The following STXBP6 variants were observed in gnomAD, a reference collection of about 807,000 sequenced individuals.
The protein encoded by STXBP6 is syntaxin binding protein 6, also known as syntaxin-binding protein 6.
In STXBP6, 21 loss-of-function variants were observed where a neutral mutation model predicts 26.9. The observed-to-expected ratio is 0.78, with a 90% confidence interval of 0.55 to 1.12. The LOEUF is 1.12. STXBP6 is among the 50% of genes most tolerant of loss of function. The probability of loss-of-function intolerance (pLI) is 0.00; values close to 1 mark genes in which losing one functional copy is unlikely to be tolerated. For synonymous variants in STXBP6, 97 were observed against 92.6 expected (o/e 1.05, Z -0.27); for missense variants, 232 against 257.9 (o/e 0.90, Z 0.69).
At chr14:24,915,582 A>T (rs554495054) in intron 2 of STXBP6, among the ~76,000 whole-genome samples, 15 of 152,250 alleles carry the variant, frequency 9.9e-5, no homozygotes, top group South Asian at 6.2e-4. Flanking sequence ...ACATTTTTTT[A>T]AAGTCATAGA....
At chr14:24,993,256 C>T (rs768665327) in intron 1 of STXBP6, among the ~76,000 whole-genome samples, 4 of 152,138 alleles carry the variant, frequency 2.6e-5, no homozygotes, top group Admixed American at 6.5e-5. Flanking sequence ...TCATCTTCCT[C>T]GAAACGGTTT....
chr14:24,935,440 T>C (rs1387274801), intron 2 of STXBP6, among the ~76,000 whole-genome samples: 1 of 152,144 alleles, frequency 6.6e-6, no homozygotes, highest in Non-Finnish European at 1.5e-5. Flanking sequence ...TCCATATATA[T>C]GATTCATGTG....
At chr14:24,997,719 C>G (rs1003905884) in intron 1 of STXBP6, among the ~76,000 whole-genome samples, 2 of 152,168 alleles carry the variant, frequency 1.3e-5, no homozygotes, top group African/African-American at 4.8e-5. Flanking sequence ...TAAATCCACC[C>G]TTCAGAGATA....
chr14:24,925,836 AG>A (rs2072143641), intron 2 of STXBP6, among the ~76,000 whole-genome samples: 1 of 152,336 alleles, frequency 6.6e-6, no homozygotes, highest in South Asian at 2.1e-4. Context: ...AAAATGGGAA[AG>A]GGAGAAGAAT....
chr14:25,038,653 C>T (rs1266264743), intron 1 of STXBP6, among the ~76,000 whole-genome samples: 1 of 151,944 alleles, frequency 6.6e-6, no homozygotes, highest in Middle Eastern at 3.2e-3. Flanking sequence ...AGACATTAGG[C>T]CAACTTGATG....
At chr14:24,880,362 C>G (rs1173850911) in intron 2 of STXBP6, among the ~76,000 whole-genome samples, 2 of 152,072 alleles carry the variant, frequency 1.3e-5, no homozygotes, top group Non-Finnish European at 2.9e-5. Context: ...AAATCTATTC[C>G]CAACCTCTTG....
chr14:25,050,037 G>A lies in STXBP6; in HGVS notation c.-192C>T. ...GCCGCCGCTCGCGGCTCCCGCGCCG[G>A]CTCCTGCTGCCGCGCGCGAAAAGGG... On this transcript the variant is annotated 5_prime_UTR_variant, in exon 1 of 6. Transcript: ENST00000323944. 4.3e-6 allele frequency: 1 copy of A among 231,148 alleles called. No homozygotes were observed. Among genetic ancestry groups the A allele is most frequent in the Non-Finnish European group, 7.1e-6 (1 of 140,578 alleles). 14.3% of individuals were successfully genotyped at this position (231,148 alleles called of 1,614,324 possible).
chr14:24,927,343 G>A (rs536681207), intron 2 of STXBP6, among the ~76,000 whole-genome samples: 2 of 152,256 alleles, frequency 1.3e-5, no homozygotes, highest in South Asian at 4.2e-4. Flanking sequence ...TTAATCTTTG[G>A]TTCTCAGTGG....
chr14:24,881,981 A>T (rs1049180708), intron 2 of STXBP6, among the ~76,000 whole-genome samples: 3 of 152,114 alleles, frequency 2.0e-5, no homozygotes, highest in Admixed American at 6.5e-5. Flanking sequence ...CTTCCTATAC[A>T]TTGGCAGGGC....
chr14:24,974,942 T>A, intron 1 of STXBP6, 92 bp from the exon 2 acceptor site: 1 of 774,952 alleles, frequency 1.3e-6, no homozygotes, highest in Non-Finnish European at 1.9e-6. Flanking sequence ...GCAGGTGAAG[T>A]AATTTTCAAT....
intron 4 of STXBP6, among the ~76,000 whole-genome samples, chr14:24,831,222 A>G (rs1313430876): frequency 3.9e-5 from 6 of 152,214 alleles, no homozygotes. Flanking sequence ...AAAATTTAAA[A>G]AGAAGTTTGT....
intron 1 of STXBP6, among the ~76,000 whole-genome samples, chr14:25,048,303 T>A (rs1484377471): frequency 6.6e-6 from 1 of 152,208 alleles, no homozygotes; most frequent in Non-Finnish European, 1.5e-5. Flanking sequence ...AACCCTGCAA[T>A]GGAGGGAGGT....
intron 2 of STXBP6, among the ~76,000 whole-genome samples, chr14:24,898,322 A>G (rs2071073705): frequency 6.6e-6 from 1 of 152,248 alleles, no homozygotes; most frequent in Non-Finnish European, 1.5e-5. Context: ...ACCACTGGGT[A>G]ATAATATTAC....
At chr14:25,018,396 C>A (rs979995114) in intron 1 of STXBP6, among the ~76,000 whole-genome samples, 2 of 152,126 alleles carry the variant, frequency 1.3e-5, no homozygotes, top group South Asian at 4.1e-4. Context: ...TTACAAAGTA[C>A]CAACCCAGAA....
At chr14:24,846,242 T>A (rs919276524) in intron 4 of STXBP6, among the ~76,000 whole-genome samples, 1 of 152,250 alleles carries the variant, frequency 6.6e-6, no homozygotes, top group African/African-American at 2.4e-5. Context: ...AGTTCTTTAG[T>A]GAAATTCTAG....
chr14:24,995,974 C>T (rs560888281), intron 1 of STXBP6, among the ~76,000 whole-genome samples: 2 of 152,172 alleles, frequency 1.3e-5, no homozygotes, highest in East Asian at 1.9e-4. Context: ...AAGAAAAGTG[C>T]ATCAATTAGG....
In STXBP6 at chr14:24,962,412, G is replaced by A. The variant is rs573266488; in HGVS notation, c.154+12253C>T. Among the ~76,000 whole-genome samples the A allele has an allele frequency of 6.1e-4, 93 of 151,506 alleles. 1 individual carries two copies. Among genetic ancestry groups the A allele is most frequent in the African/African-American group, 2.1e-3 (86 of 41,328 alleles). ...TGGCACAATCTGTGCTCACGGCAAC[G>A]TCTGCCTCCCAGGTTCAAGCAATTC... On this transcript the variant is annotated intron_variant, in intron 2 of 5. Coordinates refer to ENST00000323944, the MANE Select transcript of STXBP6 (RefSeq NM_001394410.1).
intron 1 of STXBP6, among the ~76,000 whole-genome samples, chr14:25,016,096 G>A (rs1168570368): frequency 2.0e-5 from 3 of 152,164 alleles, no homozygotes; most frequent in Non-Finnish European, 2.9e-5. Flanking sequence ...GATGAGAAAT[G>A]AAAAATGCTT....
intron 2 of STXBP6, among the ~76,000 whole-genome samples, chr14:24,965,783 G>C (rs139490739): frequency 6.6e-6 from 1 of 152,106 alleles, no homozygotes; most frequent in African/African-American, 2.4e-5. Flanking sequence ...TTCTTCCAGG[G>C]AGCAACAGGT....
Sources: allele counts gnomAD v4.1 joint callset (sites outside exome capture counted in the v4.1 genomes callset), GRCh38; gene constraint gnomAD v4.1.1; transcripts MANE v1.5; gene names NCBI Gene and HGNC (gene_info 2026-07-23, HGNC 2026-07-21).